THSD4: variants seen among roughly 807,000 people sequenced by gnomAD.
THSD4 encodes thrombospondin type-1 domain-containing protein 4.
Under a neutral mutation model 119.0 loss-of-function variants are expected in THSD4, and 69 were observed. The observed-to-expected ratio is 0.58, with a 90% confidence interval of 0.48 to 0.71. THSD4 has a LOEUF of 0.71. Ranked by LOEUF, THSD4 falls within the 30% of genes least tolerant of loss-of-function variation. THSD4 has a pLI of 0.00. For synonymous variants in THSD4, 524 were observed against 540.4 expected (o/e 0.97, Z 0.42); for missense variants, 1,393 against 1,391.1 (o/e 1.00, Z -0.02).
intron 6 of THSD4, among the ~76,000 whole-genome samples, chr15:71,338,389 T>C (rs2045515440): frequency 6.6e-6 from 1 of 151,862 alleles, no homozygotes; most frequent in Non-Finnish European, 1.5e-5. Context: ...GTCTGAACAC[T>C]TATAGATATC....
intron 6 of THSD4, among the ~76,000 whole-genome samples, chr15:71,339,611 G>A (rs1596348062): frequency 6.6e-6 from 1 of 152,060 alleles, no homozygotes; most frequent in African/African-American, 2.4e-5. Context: ...AGTATGGTAG[G>A]AACTTCTCTG....
chr15:71,556,540 A>G (rs1167612879), intron 7 of THSD4, among the ~76,000 whole-genome samples: 1 of 152,144 alleles, frequency 6.6e-6, no homozygotes, highest in Non-Finnish European at 1.5e-5. Flanking sequence ...ACGTGAGCCC[A>G]GGAGTTCGAG....
intron 5 of THSD4, among the ~76,000 whole-genome samples, chr15:71,244,668 G>A (rs1316369787): frequency 1.3e-5 from 2 of 152,190 alleles, no homozygotes; most frequent in African/African-American, 4.8e-5. Context: ...AAAAGTCGTG[G>A]TATCTACCTC....
Position 71,597,229 on chromosome 15 carries a change from C to T in THSD4, c.1153-63301C>T, listed in dbSNP as rs150371426. Among the ~76,000 whole-genome samples the T allele has an allele frequency of 2.7e-3, 407 of 152,176 alleles. 2 individuals are homozygous for T. The highest frequency in any genetic ancestry group is 9.3e-3 in the African/African-American group (387 of 41,508). On this transcript the variant is annotated intron_variant, in intron 7 of 17. Coordinates refer to ENST00000261862, the MANE Select transcript of THSD4 (RefSeq NM_024817.3). ...GTCACAGGCCTTCCTTGGTGCTACC[C>T]GGAATCTCCTGTCTCAAGTAGGCAA...
In THSD4 at chr15:71,215,264, C is replaced by T. The variant is rs12914419; in HGVS notation, c.329C>T (p.Thr110Met). 3.3e-4 allele frequency: 491 copies of T among 1,506,744 alleles called. 2 individuals are homozygous for T. The highest frequency in any genetic ancestry group is 3.9e-4 in the Non-Finnish European group (444 of 1,133,804). The allele number at this position is 1,506,744 out of a possible 1,614,324, so 93.3% of individuals were successfully genotyped here. ...GACCACGTGGTGTCGGCGGTGCGCA[C>T]GTCGGTGCCACTGCACCGGAGCCGC... Reference protein sequence around the residue: ...FADHVVSAVRTSVPLHRSRDE... With the variant: ...FADHVVSAVRMSVPLHRSRDE... The change falls in exon 4 of 18, where the codon ACG (threonine) becomes ATG (methionine). Residue 110 changes from threonine to methionine, a missense_variant. Physicochemically the swap from Thr to Met is moderately conservative, Grantham distance 81. Transcript: ENST00000261862.
At chr15:71,586,167 G>C (rs1174801257) in intron 7 of THSD4, among the ~76,000 whole-genome samples, 3 of 152,102 alleles carry the variant, frequency 2.0e-5, no homozygotes, top group Non-Finnish European at 4.4e-5. Flanking sequence ...TTGGATTGAA[G>C]GGGCAGATAC....
At chr15:71,728,779 A>G (rs758584479) in intron 9 of THSD4, 55 bp downstream of exon 9, 12 of 1,596,640 alleles carry the variant, frequency 7.5e-6, no homozygotes, top group Non-Finnish European at 8.6e-6. Context: ...GTCACTTCTA[A>G]GGAACATACT....
chr15:71,336,249 G>A (rs377469684), intron 6 of THSD4, among the ~76,000 whole-genome samples: 4 of 152,324 alleles, frequency 2.6e-5, no homozygotes, highest in African/African-American at 7.2e-5. Flanking sequence ...GGTCTGAGTG[G>A]TGAGGGCCCA....
intron 2 of THSD4, among the ~76,000 whole-genome samples, chr15:71,144,997 C>T (rs1033304619): frequency 6.6e-6 from 1 of 151,752 alleles, no homozygotes; most frequent in African/African-American, 2.4e-5. Flanking sequence ...AAGACTTGCT[C>T]CAAATTATGC....
At chr15:71,350,139 A>G (rs12594045) in intron 6 of THSD4, among the ~76,000 whole-genome samples, 1 of 128,042 alleles carries the variant, frequency 7.8e-6, no homozygotes, top group South Asian at 2.9e-4. Context: ...ACTGCAAATT[A>G]CTAAAAAAAA....
chr15:71,655,453 G>C (rs1166140391), intron 7 of THSD4, among the ~76,000 whole-genome samples: 4 of 152,198 alleles, frequency 2.6e-5, no homozygotes, highest in Non-Finnish European at 4.4e-5. Context: ...GGTCCGGGTG[G>C]TTGTATGATG....
intron 7 of THSD4, among the ~76,000 whole-genome samples, chr15:71,440,824 A>G (rs1275278040): frequency 6.6e-6 from 1 of 152,230 alleles, no homozygotes; most frequent in Admixed American, 6.5e-5. Flanking sequence ...AACTGGGGAC[A>G]GTTTGAATTA....
At chr15:71,343,650 CTCTTA>C (rs967206509) in intron 6 of THSD4, among the ~76,000 whole-genome samples, 1 of 151,468 alleles carries the variant, frequency 6.6e-6, no homozygotes, top group Non-Finnish European at 1.5e-5. Flanking sequence ...CCTGTGCTTT[CTCTTA>C]TAAGGACACC....
At chr15:71,613,004 G>A (rs2050256927) in intron 7 of THSD4, among the ~76,000 whole-genome samples, 1 of 152,202 alleles carries the variant, frequency 6.6e-6, no homozygotes, top group Non-Finnish European at 1.5e-5. Flanking sequence ...ACAGGTAAAG[G>A]ATTTGTGGAG....
intron 6 of THSD4, among the ~76,000 whole-genome samples, chr15:71,305,639 C>T (rs952153550): frequency 1.3e-5 from 2 of 152,196 alleles, no homozygotes; most frequent in Admixed American, 6.5e-5. Context: ...TTGTAAACTG[C>T]CCAGCACCTA....
chr15:71,311,536 G>T (rs1048845059), intron 6 of THSD4, among the ~76,000 whole-genome samples: 2 of 152,182 alleles, frequency 1.3e-5, no homozygotes, highest in East Asian at 3.8e-4. Context: ...CTCTTTGTCT[G>T]ATCCCGGGGT....
At chr15:71,733,245 G>T (rs2053017301) in intron 10 of THSD4, 1 of 152,340 alleles carries the variant, frequency 6.6e-6, no homozygotes, top group African/African-American at 2.4e-5. Context: ...CAGGGGCATT[G>T]TCACCAGGCT....
intron 7 of THSD4, among the ~76,000 whole-genome samples, chr15:71,621,179 T>A (rs1331979860): frequency 1.3e-5 from 2 of 152,222 alleles, no homozygotes; most frequent in African/African-American, 4.8e-5. Context: ...TAATTTAGAT[T>A]GCTGTGAAAT....
intron 6 of THSD4, among the ~76,000 whole-genome samples, chr15:71,271,788 T>A (rs2044533398): frequency 6.6e-6 from 1 of 152,166 alleles, no homozygotes; most frequent in Non-Finnish European, 1.5e-5. Context: ...CTTTCTAGTT[T>A]CTCTCTTTTA....
Sources: gnomAD v4.1 joint callset for allele counts (sites outside exome capture counted in the v4.1 genomes callset) on GRCh38, gnomAD v4.1.1 for gene constraint, MANE v1.5 for transcripts, NCBI Gene and HGNC (gene_info 2026-07-23, HGNC 2026-07-21) for gene names.